FAM193A: variants seen among roughly 807,000 people sequenced by gnomAD.
FAM193A encodes family with sequence similarity 193 member A.
Under a neutral mutation model 126.5 loss-of-function variants are expected in FAM193A, and 22 were observed. The ratio of observed to expected loss-of-function variants is 0.17; its 90% CI spans 0.12 to 0.25. The LOEUF is 0.25. Among genes scored for constraint, FAM193A ranks in the 10% least tolerant of loss-of-function variants. FAM193A has a pLI of 1.00. For missense variants in FAM193A, 1,675 were observed against 1,672.8 expected, an observed-to-expected ratio of 1.00 and a Z score of -0.02; for synonymous variants, 761 against 646.8, an observed-to-expected ratio of 1.18 and a Z score of -2.68.
At chr4:2,641,553 G>A (rs1481444189) in intron 6 of FAM193A, among the ~76,000 whole-genome samples, 1 of 152,136 alleles carries the variant, frequency 6.6e-6, no homozygotes, top group Admixed American at 6.5e-5. Context: ...TACTTGGGAG[G>A]CTGAGGCAGA....
chr4:2,731,955 C>T lies in FAM193A; in HGVS notation c.*87C>T, dbSNP rs1048438390. The T allele has an allele frequency of 4.8e-6, 5 of 1,046,892 alleles. No homozygotes were observed. Among genetic ancestry groups the T allele is most frequent in the African/African-American group, 3.1e-5 (2 of 64,188 alleles). The allele number at this position is 1,046,892 out of a possible 1,614,324, so 64.9% of individuals were successfully genotyped here. On this transcript the variant is annotated 3_prime_UTR_variant, in exon 21 of 21. Transcript: ENST00000637812. ...ACGCCCCTCGCTGGCGCCCCAGAGC[C>T]GTGGTGCTTGCCAAGGGCTGTGCGG... is the stretch of plus-strand genomic sequence containing the variant.
chr4:2,645,637 CTG>C (rs760884928), intron 6 of FAM193A, among the ~76,000 whole-genome samples: 1 of 152,146 alleles, frequency 6.6e-6, no homozygotes, highest in Non-Finnish European at 1.5e-5. Context: ...AGCGATTCTT[CTG>C]TCTCAGCCTC....
chr4:2,597,046 G>A (rs1740903769), intron 2 of FAM193A, among the ~76,000 whole-genome samples: 1 of 152,150 alleles, frequency 6.6e-6, no homozygotes, highest in Non-Finnish European at 1.5e-5. Context: ...CTGCCTTGGG[G>A]GAGTCCTGGT....
At chr4:2,627,256 A>G (rs1743064610) in intron 4 of FAM193A, among the ~76,000 whole-genome samples, 1 of 144,300 alleles carries the variant, frequency 6.9e-6, no homozygotes, top group East Asian at 2.0e-4. Flanking sequence ...TGCCTCCCGC[A>G]TTCAAGCTGT....
intron 12 of FAM193A, among the ~76,000 whole-genome samples, chr4:2,668,007 A>G (rs1713326166): frequency 6.6e-6 from 1 of 152,076 alleles, no homozygotes; most frequent in African/African-American, 2.4e-5. Context: ...GGGCTCAAGC[A>G]GTCTTCCTGC....
chr4:2,715,957 T>G, intron 19 of FAM193A, 66 bp from the exon 20 acceptor site: 2 of 914,246 alleles, frequency 2.2e-6, no homozygotes, highest in Non-Finnish European at 3.6e-6. Flanking sequence ...GACAAATGAT[T>G]TCTTCCGTTC....
At chr4:2,629,429 ATATAC>A (rs1402401104) in intron 4 of FAM193A, among the ~76,000 whole-genome samples, 1 of 152,234 alleles carries the variant, frequency 6.6e-6, no homozygotes, top group African/African-American at 2.4e-5. Flanking sequence ...TCTGTCTGAA[ATATAC>A]TAACCATAAT....
chr4:2,546,828 T>C (rs974989732), intron 1 of FAM193A, among the ~76,000 whole-genome samples: 4 of 152,216 alleles, frequency 2.6e-5, no homozygotes, highest in African/African-American at 9.6e-5. Context: ...GTGAAACCGC[T>C]GAACTGTTAT....
At chr4:2,604,007 T>C (rs1321787164) in intron 2 of FAM193A, among the ~76,000 whole-genome samples, 5 of 151,934 alleles carry the variant, frequency 3.3e-5, no homozygotes. Flanking sequence ...CATGCCCAGC[T>C]AATTTTTGTA....
chr4:2,690,364 G>A (rs1425742051), intron 14 of FAM193A, among the ~76,000 whole-genome samples: 1 of 152,202 alleles, frequency 6.6e-6, no homozygotes, highest in Non-Finnish European at 1.5e-5. Flanking sequence ...GCTTAGGAAG[G>A]ATTTCTAGCT....
At chr4:2,546,838 T>C (rs1390699634) in intron 1 of FAM193A, among the ~76,000 whole-genome samples, 1 of 152,198 alleles carries the variant, frequency 6.6e-6, no homozygotes, top group Non-Finnish European at 1.5e-5. Flanking sequence ...TGAACTGTTA[T>C]CCAGAGTGGA....
chr4:2,570,939 T>G (rs1431568805), intron 1 of FAM193A, among the ~76,000 whole-genome samples: 2 of 152,166 alleles, frequency 1.3e-5, no homozygotes, highest in Non-Finnish European at 2.9e-5. Flanking sequence ...TGCCGTACAC[T>G]TCCTCCCCTA....
At chr4:2,555,510 G>A (rs1738193930) in intron 1 of FAM193A, among the ~76,000 whole-genome samples, 1 of 152,330 alleles carries the variant, frequency 6.6e-6, no homozygotes, top group African/African-American at 2.4e-5. Context: ...TGGGTGCAGT[G>A]GTTTACAACC....
At chr4:2,721,246 G>C (rs1446751706) in intron 20 of FAM193A, among the ~76,000 whole-genome samples, 2 of 148,196 alleles carry the variant, frequency 1.3e-5, no homozygotes, top group Non-Finnish European at 3.0e-5. Context: ...CTGGGAGGCA[G>C]AGCTTGCAGT....
chr4:2,551,363 C>A (rs1381466344), intron 1 of FAM193A, among the ~76,000 whole-genome samples: 1 of 152,120 alleles, frequency 6.6e-6, no homozygotes, highest in African/African-American at 2.4e-5. Flanking sequence ...TGAATTTTTC[C>A]ATTGAGTGTC....
chr4:2,644,917 T>TTAA (rs1286872545), intron 6 of FAM193A, among the ~76,000 whole-genome samples: 3 of 152,252 alleles, frequency 2.0e-5, no homozygotes, highest in African/African-American at 7.2e-5. Context: ...AATTTAGTAT[T>TTAA]TCTTATACAT....
At chr4:2,646,591 C>G in intron 6 of FAM193A, 94 bp from the exon 7 acceptor site, 1 of 1,341,288 alleles carries the variant, frequency 7.5e-7, no homozygotes, top group Non-Finnish European at 1.0e-6. Flanking sequence ...GGCGAGATGA[C>G]AAAGCAGGAT....
intron 1 of FAM193A, among the ~76,000 whole-genome samples, chr4:2,540,252 G>A (rs1425634560): frequency 2.6e-5 from 4 of 151,528 alleles, no homozygotes; most frequent in Non-Finnish European, 5.9e-5. Flanking sequence ...GGCGGATCAC[G>A]AGGTCAGGAG....
At chr4:2,709,570 G>A (rs1185602372) in intron 19 of FAM193A, among the ~76,000 whole-genome samples, 5 of 152,084 alleles carry the variant, frequency 3.3e-5, no homozygotes, top group South Asian at 4.1e-4. Flanking sequence ...TTTGCCAGGC[G>A]TAGTAACACG....
Sources: gnomAD v4.1 joint callset for allele counts (sites outside exome capture counted in the v4.1 genomes callset) on GRCh38, gnomAD v4.1.1 for gene constraint, MANE v1.5 for transcripts, NCBI Gene and HGNC (gene_info 2026-07-23, HGNC 2026-07-21) for gene names.